The following ITGA9 variants were observed in gnomAD, a reference collection of about 807,000 sequenced individuals.
The protein encoded by ITGA9 is integrin alpha-9.
ITGA9 carries 56 observed loss-of-function variants against 127.8 expected under a neutral mutation model. The ratio of observed to expected loss-of-function variants is 0.44; its 90% CI spans 0.35 to 0.55. ITGA9 has a LOEUF of 0.55. Among genes scored for constraint, ITGA9 ranks in the 20% least tolerant of loss-of-function variants. ITGA9 has a pLI of 0.00. For synonymous variants in ITGA9, 508 were observed against 514.5 expected (o/e 0.99, Z 0.17); for missense variants, 1,196 against 1,347.1 (o/e 0.89, Z 1.76).
chr3:37,797,884 CA>C (rs1697192543), intron 26 of ITGA9, among the ~76,000 whole-genome samples: 2 of 151,966 alleles, frequency 1.3e-5, no homozygotes, highest in Non-Finnish European at 2.9e-5. Flanking sequence ...GGGGTTTCGC[CA>C]TGTTGGCCAG....
chr3:37,464,794 G>C (rs1698352715), intron 1 of ITGA9, among the ~76,000 whole-genome samples: 1 of 152,204 alleles, frequency 6.6e-6, no homozygotes, highest in Admixed American at 6.5e-5. Context: ...GAGCTTATGA[G>C]GCCTTTCAGG....
At chr3:37,742,875 A>G (rs1423166826) in intron 21 of ITGA9, among the ~76,000 whole-genome samples, 5 of 152,180 alleles carry the variant, frequency 3.3e-5, no homozygotes, top group Non-Finnish European at 7.3e-5. Flanking sequence ...GCAAATTAGC[A>G]TATTTTTGCC....
At chr3:37,755,091 G>C (rs1696633936) in intron 23 of ITGA9, among the ~76,000 whole-genome samples, 1 of 152,130 alleles carries the variant, frequency 6.6e-6, no homozygotes, top group African/African-American at 2.4e-5. Context: ...ACCATTTATT[G>C]CTGTCCCAAG....
rs1023880723 is a variant in ITGA9 at position 37,814,573 on chromosome 3, C to A, written c.3010-4318C>A. Reference sequence around the variant, plus strand: ...AGCGAGACTCCATCCCCCACCCCCCCAAAAAAGAAACAATATTAGTTTGAC... The same window carrying A: ...AGCGAGACTCCATCCCCCACCCCCCAAAAAAAGAAACAATATTAGTTTGAC... On this transcript the variant is annotated intron_variant, in intron 27 of 27. Transcript: ENST00000264741. This position sits in a 1 kb window ranked among gnomAD's most constrained non-coding sequence, Gnocchi z 4.3. 1.3e-4 allele frequency among the ~76,000 whole-genome samples: 19 copies of A among 151,662 alleles called. No individual in the cohort carries two copies. The highest frequency in any genetic ancestry group is 3.6e-4 in the African/African-American group (15 of 41,332).
rs556409332 is a variant in ITGA9 at position 37,470,750 on chromosome 3, C to T, written c.186-257C>T. On this transcript the variant is annotated intron_variant, in intron 1 of 27. Coordinates refer to ENST00000264741, the MANE Select transcript of ITGA9 (RefSeq NM_002207.3). ...AATTCCTGGGCTCAAGCGATCCACCCGCCTCGGCCTCTCAAAATGCTAGGA... is the reference window on the plus strand; with the variant it reads ...AATTCCTGGGCTCAAGCGATCCACCTGCCTCGGCCTCTCAAAATGCTAGGA... Among the ~76,000 whole-genome samples, 21 of 152,260 alleles carry T rather than the reference C, an allele frequency of 1.4e-4. 1 individual carries two copies. The South Asian group carries it at 2.3e-3, about 17-fold the overall frequency.
chr3:37,616,413 G>T (rs1249221313), intron 15 of ITGA9, among the ~76,000 whole-genome samples: 1 of 151,734 alleles, frequency 6.6e-6, no homozygotes, highest in African/African-American at 2.4e-5. Flanking sequence ...AACAGGTGTG[G>T]TGTGGTGCTG....
At position 37,571,418 on chromosome 3, in the gene ITGA9, C is replaced by G. The variant is rs191803269; in HGVS notation, c.1689+28833C>G. 9.9e-5 allele frequency among the ~76,000 whole-genome samples: 15 copies of G among 152,284 alleles called. No homozygotes were observed. In the East Asian group the frequency reaches 2.5e-3, roughly 25 times the overall value. ...TTGAGTGGGAAGTGATTCAAGAGGC[C>G]AGACATTCTGTCTGGACATTAGCTG... On this transcript the variant is annotated intron_variant, in intron 15 of 27. Coordinates refer to ENST00000264741, the MANE Select transcript of ITGA9 (RefSeq NM_002207.3).
chr3:37,684,540 A>G (rs529097797), intron 18 of ITGA9, among the ~76,000 whole-genome samples: 2 of 152,350 alleles, frequency 1.3e-5, no homozygotes, highest in African/African-American at 4.8e-5. Context: ...CAGTGCCACA[A>G]TCTTGGCTCA....
intron 15 of ITGA9, among the ~76,000 whole-genome samples, chr3:37,626,463 C>T (rs1309999790): frequency 2.6e-5 from 4 of 151,922 alleles, no homozygotes; most frequent in African/African-American, 9.7e-5. Flanking sequence ...AGTTCAAGAC[C>T]ACCTTGGGCA....
At chr3:37,632,097 A>G (rs1306119315) in intron 16 of ITGA9, among the ~76,000 whole-genome samples, 1 of 152,218 alleles carries the variant, frequency 6.6e-6, no homozygotes, top group Non-Finnish European at 1.5e-5. Context: ...ATTGAGGAAT[A>G]TTTGGTGCAT....
chr3:37,667,447 A>G (rs757704689), intron 17 of ITGA9, among the ~76,000 whole-genome samples: 71 of 152,224 alleles, frequency 4.7e-4, no homozygotes, highest in Middle Eastern at 3.4e-3. Flanking sequence ...ACAGCAGCAA[A>G]GGCAGATAAG....
chr3:37,732,721 G>T lies in ITGA9; in HGVS notation c.2077G>T (p.Gly693Cys). The T allele has an allele frequency of 6.2e-7, 1 of 1,607,548 alleles. No individual in the cohort carries two copies. Among genetic ancestry groups the T allele is most frequent in the Non-Finnish European group, 8.5e-7 (1 of 1,177,396 alleles). The change falls in exon 19 of 28, where the codon GGC becomes TGC. Residue 693 changes from glycine (G) to cysteine (C), a missense_variant. Physicochemically the swap from Gly to Cys is radical, Grantham distance 159. Transcript: ENST00000264741. The part of the protein sequence containing the change: ...FINMWQKEEM[G>C]ISCELLESDF... ...GTGCTTTTTCTTTCAGGAGGAGATG[G>T]GCATCTCCTGTGAGCTGCTGGAATC...
chr3:37,482,010 C>T (rs528330864), intron 4 of ITGA9, among the ~76,000 whole-genome samples: 20 of 152,296 alleles, frequency 1.3e-4, no homozygotes, highest in Admixed American at 1.3e-3. Flanking sequence ...TCCGAATATT[C>T]AGTGGTTGGC....
Position 37,481,603 on chromosome 3 carries a change from T to C in ITGA9, c.540T>C (p.Tyr180=). 6 of 1,614,224 alleles carry C rather than the reference T, an allele frequency of 3.7e-6. No individual in the cohort carries two copies. Among genetic ancestry groups the C allele is most frequent in the Non-Finnish European group, 5.1e-6 (6 of 1,180,028 alleles). ...AAGGCAGGACGCTGATCCCTTGCTA[T>C]GAAGGTGAGCATGGATTGATTTTTC... ...QAKGRTLIPC[Y]EEYKKKYGEE... is the part of the protein sequence containing the mutation. The change falls in exon 4 of 28, where the codon TAT becomes TAC. Residue 180 remains tyrosine, a synonymous_variant. Transcript: ENST00000264741.
At chr3:37,627,819 A>G (rs1419121864) in intron 15 of ITGA9, among the ~76,000 whole-genome samples, 2 of 152,198 alleles carry the variant, frequency 1.3e-5, no homozygotes, top group Non-Finnish European at 2.9e-5. Context: ...TGACATAGAC[A>G]ATTTCCAGAA....
chr3:37,553,498 A>G (rs554340808), intron 15 of ITGA9, among the ~76,000 whole-genome samples: 4 of 152,316 alleles, frequency 2.6e-5, no homozygotes, highest in South Asian at 2.1e-4. Context: ...CAGGATGTAT[A>G]TTTTCTGCAG....
intron 15 of ITGA9, among the ~76,000 whole-genome samples, chr3:37,561,313 A>G (rs1194538728): frequency 1.3e-5 from 2 of 152,110 alleles, no homozygotes; most frequent in Non-Finnish European, 2.9e-5. Context: ...CCATTTTATG[A>G]TCTCATTAGG....
rs186708044 is a variant in ITGA9, at chr3:37,612,240, C to T, written c.1690-16947C>T. Among the ~76,000 whole-genome samples, 164 of 152,220 alleles carry T rather than the reference C, an allele frequency of 1.1e-3. 1 individual carries two copies. The highest frequency in any genetic ancestry group is 1.9e-3 in the Non-Finnish European group (131 of 68,014). Reference sequence around the variant, plus strand: ...ACGCCTTTGGCCGTTGGGAAGCGCACGTGGATCCTTTCTCAGAATATGCTT... The same window carrying T: ...ACGCCTTTGGCCGTTGGGAAGCGCATGTGGATCCTTTCTCAGAATATGCTT... On this transcript the variant is annotated intron_variant, in intron 15 of 27. Coordinates refer to ENST00000264741, the MANE Select transcript of ITGA9 (RefSeq NM_002207.3).
At chr3:37,551,209 A>T (rs1699375192) in intron 15 of ITGA9, among the ~76,000 whole-genome samples, 1 of 152,182 alleles carries the variant, frequency 6.6e-6, no homozygotes, top group Non-Finnish European at 1.5e-5. Flanking sequence ...ACAATGGAAA[A>T]GATTTCATTT....
Sources: gnomAD v4.1 joint callset for allele counts (sites outside exome capture counted in the v4.1 genomes callset) on GRCh38, gnomAD v4.1.1 for gene constraint, Gnocchi (gnomAD v3.1) non-coding constraint, MANE v1.5 for transcripts, NCBI Gene and HGNC (gene_info 2026-07-23, HGNC 2026-07-21) for gene names.